The following PRPF8 variants were observed in gnomAD, a reference collection of about 807,000 sequenced individuals.
PRPF8 encodes pre-mRNA processing factor 8, also known as pre-mRNA-processing-splicing factor 8.
Under a neutral mutation model 285.9 loss-of-function variants are expected in PRPF8, and 64 were observed. The observed-to-expected ratio is 0.22, with a 90% CI of 0.18 to 0.28. PRPF8 has a LOEUF of 0.28. Among genes scored for constraint, PRPF8 ranks in the 10% least tolerant of loss-of-function variants. The pLI is 1.00. For synonymous variants in PRPF8, 1,325 were observed against 1,118.2 expected (o/e 1.18, Z -3.69); for missense variants, 1,426 against 3,026.7 (o/e 0.47, Z 12.41).
chr17:1,675,385 G>C lies in PRPF8; in HGVS notation c.2873-46C>G, dbSNP rs748529638. 6.3e-7 allele frequency: 1 copy of C among 1,599,292 alleles called. No individual in the cohort carries two copies. Among genetic ancestry groups the C allele is most frequent in the Non-Finnish European group, 8.6e-7 (1 of 1,167,382 alleles). On this transcript the variant is annotated intron_variant, in intron 19 of 42. Coordinates refer to ENST00000304992, the MANE Select transcript of PRPF8 (RefSeq NM_006445.4). This position sits in a 1 kb window ranked among gnomAD's most constrained non-coding sequence, Gnocchi z 6.0. ...TCTCCAGCAGGTTAGAAATCCTCTT[G>C]CAAGACTAGCCCCACAGGAACTATC...
intron 39 of PRPF8, chr17:1,652,193 C>T (rs1025362992): frequency 2.6e-5 from 9 of 340,372 alleles, no homozygotes; most frequent in African/African-American, 6.4e-5. Context: ...TATAAACTCA[C>T]CCACACAGGA....
In PRPF8 at chr17:1,655,484, T is replaced by C; in HGVS notation, c.5853A>G (p.Lys1951=). 6.2e-7 allele frequency: 1 copy of C among 1,614,012 alleles called. No homozygotes were observed. Among genetic ancestry groups the C allele is most frequent in the Non-Finnish European group, 8.5e-7 (1 of 1,179,924 alleles). ...RALHVNNDRA[K]VILKPDKTTI... Reference sequence around the variant, plus strand: ...TAGTCTTGTCTGGCTTCAGGATCACTTTTGCCCGATCGTTGTTCACATGTA... The same window carrying C: ...TAGTCTTGTCTGGCTTCAGGATCACCTTTGCCCGATCGTTGTTCACATGTA... Residue 1951 remains lysine, a synonymous_variant, in exon 37 of 43, where the codon AAA becomes AAG. Coordinates refer to ENST00000304992, the MANE Select transcript of PRPF8 (RefSeq NM_006445.4).
At position 1,679,245 on chromosome 17, in the gene PRPF8, A is replaced by AT; in HGVS notation, c.1410-40dup. 4 of 1,614,186 alleles carry AT rather than the reference A, an allele frequency of 2.5e-6. No homozygotes were observed. Among genetic ancestry groups the AT allele is most frequent in the Non-Finnish European group, 3.4e-6 (4 of 1,180,036 alleles). Reference sequence around the variant, plus strand: ...ATGGAGAGTAAGAGTCAGCCTACTGATATCTCTGGAACAGAAGTCTGCGCA... The same window carrying AT: ...ATGGAGAGTAAGAGTCAGCCTACTGATTATCTCTGGAACAGAAGTCTGCGCA... On this transcript the variant is annotated intron_variant, in intron 10 of 42. Coordinates refer to ENST00000304992, the MANE Select transcript of PRPF8 (RefSeq NM_006445.4). This position sits in a 1 kb window ranked among gnomAD's most constrained non-coding sequence, Gnocchi z 4.7.
chr17:1,682,432 C>CT, intron 3 of PRPF8, 139 bp from the exon 4 acceptor site: 2 of 1,068,532 alleles, frequency 1.9e-6, no homozygotes, highest in Non-Finnish European at 2.8e-6. Context: ...CAGGCCCTTC[C>CT]TAACCAGAAA....
Position 1,675,946 on chromosome 17 carries a change from T to G in PRPF8, c.2661A>C (p.Thr887=), listed in dbSNP as rs1232030116. 6.2e-7 allele frequency: 1 copy of G among 1,614,128 alleles called. No individual in the cohort carries two copies. The highest frequency in any genetic ancestry group is 8.5e-7 in the Non-Finnish European group (1 of 1,180,020). Residue 887 remains threonine, a synonymous_variant, in exon 18 of 43, where the codon ACA becomes ACC. Transcript: ENST00000304992. The surrounding 1 kb of genome is among the most constrained non-coding windows in gnomAD (Gnocchi z 6.0). ...ALSRIKRHLL[T]QRAFKEVGIE... ...CACTCACCTCTTTGAAGGCTCTCTG[T>G]GTGAGGAGGTGACGCTTGATGCGGG...
chr17:1,652,201 G>A, intron 39 of PRPF8: 1 of 322,352 alleles, frequency 3.1e-6, no homozygotes, highest in Non-Finnish European at 6.0e-6. Flanking sequence ...CACCCACACA[G>A]GATATTAACA....
chr17:1,684,737 G>A, intron 1 of PRPF8, 43 bp downstream of exon 1: 2 of 693,736 alleles, frequency 2.9e-6, no homozygotes, highest in Non-Finnish European at 5.0e-6. Flanking sequence ...GGCCCGACCC[G>A]ACCACGCCTC....
At chr17:1,678,699 C>T (rs1912743549) in intron 12 of PRPF8, 47 bp from the exon 13 acceptor site, 5 of 1,614,124 alleles carry the variant, frequency 3.1e-6, no homozygotes, top group Non-Finnish European at 4.2e-6. Flanking sequence ...ACCAGCTCCA[C>T]GGTCAGCACA....
rs374387787 is a variant in PRPF8 at position 1,650,959 on chromosome 17, T to C, written c.6854-3A>G. Reference sequence around the variant, plus strand: ...CATGTTGGGGTCATGCCGAACACCTTCGGGGAGAAGGAAACAGCCAATGTT... The same window carrying C: ...CATGTTGGGGTCATGCCGAACACCTCCGGGGAGAAGGAAACAGCCAATGTT... On this transcript the variant is annotated splice_region_variant and splice_polypyrimidine_tract_variant and intron_variant, in intron 42 of 42. Coordinates refer to ENST00000304992, the MANE Select transcript of PRPF8 (RefSeq NM_006445.4). 6.2e-7 allele frequency: 1 copy of C among 1,614,148 alleles called. No individual in the cohort carries two copies. Among genetic ancestry groups the C allele is most frequent in the African/African-American group, 1.3e-5 (1 of 75,022 alleles).
chr17:1,675,282 A>T lies in PRPF8; in HGVS notation c.2930T>A (p.Leu977Gln). 6.2e-7 allele frequency: 1 copy of T among 1,614,218 alleles called. No individual in the cohort carries two copies. Among genetic ancestry groups the T allele is most frequent in the South Asian group, 1.1e-5 (1 of 91,080 alleles). The change falls in exon 20 of 43, where the codon CTG becomes CAG. Residue 977 changes from leucine to glutamine, a missense_variant. Physicochemically the swap from Leu to Gln is moderately radical, Grantham distance 113. This residue lies in a region of PRPF8 where 37 missense variants were observed against 43.4 expected (regional missense o/e 0.85). Transcript: ENST00000304992. This position sits in a 1 kb window ranked among gnomAD's most constrained non-coding sequence, Gnocchi z 6.0. ...ETSEGECNVM[L>Q]ESRFEKMYEK... ...ATACATCTTCTCAAAGCGGGATTCC[A>T]GCATGACATTGCACTCGCCTTCACT...
In PRPF8 at chr17:1,679,614, C is replaced by T. The variant is rs201614691; in HGVS notation, c.1284G>A (p.Lys428=). Residue 428 remains lysine (K), a synonymous_variant, in exon 9 of 43, where the codon AAG becomes AAA. Coordinates refer to ENST00000304992, the MANE Select transcript of PRPF8 (RefSeq NM_006445.4). This position sits in a 1 kb window ranked among gnomAD's most constrained non-coding sequence, Gnocchi z 4.7. The part of the protein sequence containing the change: ...TRRALDIPLV[K]NWYREHCPAG... ...GCCACAGGGAAAAACCTTACCAGTT[C>T]TTGACAAGGGGTATGTCCAGGGCCC... 2.5e-6 allele frequency: 4 copies of T among 1,613,444 alleles called. No individual in the cohort carries two copies. In the East Asian group the frequency reaches 8.9e-5, roughly 36 times the overall value.
Position 1,654,899 on chromosome 17 carries a change from G to C in PRPF8, c.5987+451C>G, listed in dbSNP as rs999369366. 5 of 193,430 alleles carry C rather than the reference G, an allele frequency of 2.6e-5. No individual in the cohort carries two copies. In the Admixed American group the frequency reaches 2.7e-4, roughly 10 times the overall value. The allele number at this position is 193,430 out of a possible 1,614,324, so 12.0% of individuals were successfully genotyped here. On this transcript the variant is annotated intron_variant, in intron 37 of 42. Transcript: ENST00000304992. ...TCCCACCTTGGCCTCCCAAAGTGCT[G>C]GTATTACTAGCATGAGCACTCAAGC...
In PRPF8 at chr17:1,679,552, G is replaced by A. The variant is rs563151603; in HGVS notation, c.1289+57C>T. ...AAAAGGCTACATGCCCACCTAGTTG[G>A]AGTCTTTTCTCCTACACATCCACTA... is the stretch of plus-strand genomic sequence containing the variant. On this transcript the variant is annotated intron_variant, in intron 9 of 42. Coordinates refer to ENST00000304992, the MANE Select transcript of PRPF8 (RefSeq NM_006445.4). The surrounding 1 kb of genome is among the most constrained non-coding windows in gnomAD (Gnocchi z 4.7). 6.2e-7 allele frequency: 1 copy of A among 1,604,980 alleles called. No homozygotes were observed.
rs1208653204 is a variant in PRPF8, at chr17:1,674,565, C to T, written c.3176G>A (p.Ser1059Asn). The part of the protein sequence containing the change: ...DLLVLGLHRA[S>N]EMAGPPQMPN... ...CATCTGAGGGGGCCCAGCCATCTCA[C>T]TGGCCCGGTGCAATCCCAATACAAG... The change falls in exon 21 of 43, where the codon AGT becomes AAT. Residue 1059 changes from serine to asparagine, a missense_variant. Coordinates refer to ENST00000304992, the MANE Select transcript of PRPF8 (RefSeq NM_006445.4). The T allele has an allele frequency of 3.1e-6, 5 of 1,614,190 alleles. No homozygotes were observed. The highest frequency in any genetic ancestry group is 3.4e-6 in the Non-Finnish European group (4 of 1,180,036).
chr17:1,651,329 C>T lies in PRPF8; in HGVS notation c.6651-19G>A. 2 of 1,614,066 alleles carry T rather than the reference C, an allele frequency of 1.2e-6. No individual in the cohort carries two copies. The highest frequency in any genetic ancestry group is 1.7e-6 in the Non-Finnish European group (2 of 1,179,966). On this transcript the variant is annotated intron_variant, in intron 41 of 42. Coordinates refer to ENST00000304992, the MANE Select transcript of PRPF8 (RefSeq NM_006445.4). The surrounding 1 kb of genome is among the most constrained non-coding windows in gnomAD (Gnocchi z 5.1). ...CGTGAAGCTGGGGGAGGAACGAGGACAGAGTAACAGCTCAGGCCACTGTTC... is the reference window on the plus strand; with the variant it reads ...CGTGAAGCTGGGGGAGGAACGAGGATAGAGTAACAGCTCAGGCCACTGTTC...
Position 1,675,498 on chromosome 17 carries a change from A to T in PRPF8, c.2872+122T>A. 6.8e-7 allele frequency: 1 copy of T among 1,461,848 alleles called. No individual in the cohort carries two copies. Among genetic ancestry groups the T allele is most frequent in the South Asian group, 1.1e-5 (1 of 87,882 alleles). The allele number at this position is 1,461,848 out of a possible 1,614,324, so 90.6% of individuals were successfully genotyped here. On this transcript the variant is annotated intron_variant, in intron 19 of 42. Coordinates refer to ENST00000304992, the MANE Select transcript of PRPF8 (RefSeq NM_006445.4). The surrounding 1 kb of genome is among the most constrained non-coding windows in gnomAD (Gnocchi z 6.0). ...GGCTTTTCCTCAGTTTAACACGAAC[A>T]CTACTTCCCTTTACTACCACGCATC... is the stretch of plus-strand genomic sequence containing the variant.
intron 37 of PRPF8, 66 bp downstream of exon 37, chr17:1,655,284 G>A: frequency 1.3e-6 from 2 of 1,577,932 alleles, no homozygotes; most frequent in Non-Finnish European, 1.7e-6. Flanking sequence ...AAGCCTAAGT[G>A]CTTCCAAAAA....
chr17:1,681,379 G>T, intron 6 of PRPF8, 99 bp downstream of exon 6: 1 of 1,328,600 alleles, frequency 7.5e-7, no homozygotes, highest in Non-Finnish European at 1.1e-6. Flanking sequence ...TGCACCTGGT[G>T]TAAACAGACT....
In PRPF8 at chr17:1,673,192, A is replaced by G. The variant is rs781712333; in HGVS notation, c.3663T>C (p.Thr1221=). The change falls in exon 24 of 43, where the codon ACT becomes ACC. Residue 1221 remains threonine, a synonymous_variant. Coordinates refer to ENST00000304992, the MANE Select transcript of PRPF8 (RefSeq NM_006445.4). The surrounding 1 kb of genome is among the most constrained non-coding windows in gnomAD (Gnocchi z 5.5). ...DGVWNLQNEV[T]KERTAQCFLR... ...GGAAACACTGAGCTGTGCGCTCCTT[A>G]GTAACCTAAACCACAAAGTCAAGGT... 3 of 1,614,170 alleles carry G rather than the reference A, an allele frequency of 1.9e-6. No homozygotes were observed. Among genetic ancestry groups the G allele is most frequent in the South Asian group, 2.2e-5 (2 of 91,084 alleles).
Sources: gnomAD v4.1 joint callset for allele counts on GRCh38, gnomAD v4.1.1 for gene constraint, gnomAD v4.1.1 regional missense constraint, Gnocchi (gnomAD v3.1) non-coding constraint, MANE v1.5 for transcripts, NCBI Gene and HGNC (gene_info 2026-07-23, HGNC 2026-07-21) for gene names.